The following RNF220 variants were observed in gnomAD, a reference collection of about 807,000 sequenced individuals.
The protein encoded by RNF220 is E3 ubiquitin-protein ligase RNF220.
Under a neutral mutation model 67.1 loss-of-function variants are expected in RNF220, and 7 were observed. The ratio of observed to expected loss-of-function variants is 0.10; its 90% CI spans 0.06 to 0.20. The LOEUF (loss-of-function observed/expected upper bound fraction) is 0.20, where lower values mean the gene tolerates loss of function less well. Ranked by LOEUF, RNF220 falls within the 10% of genes least tolerant of loss-of-function variation. The probability of loss-of-function intolerance (pLI) is 1.00; values close to 1 mark genes in which losing one functional copy is unlikely to be tolerated. For missense variants in RNF220, 565 were observed against 740.3 expected (o/e 0.76, Z 2.75); for synonymous variants, 270 against 283.2 (o/e 0.95, Z 0.47).
chr1:44,599,942 T>C (rs1029081300), intron 2 of RNF220, among the ~76,000 whole-genome samples: 1 of 151,944 alleles, frequency 6.6e-6, no homozygotes, highest in African/African-American at 2.4e-5. Flanking sequence ...TGGAATAGAT[T>C]AGAGGGGAGA....
intron 5 of RNF220, among the ~76,000 whole-genome samples, chr1:44,630,422 G>A (rs1371186151): frequency 6.6e-6 from 1 of 152,240 alleles, no homozygotes; most frequent in Non-Finnish European, 1.5e-5. Context: ...ACTTGAGTCT[G>A]TCTGGCCCTA....
At chr1:44,623,564 C>A (rs1176116277) in intron 4 of RNF220, among the ~76,000 whole-genome samples, 3 of 152,226 alleles carry the variant, frequency 2.0e-5, no homozygotes, top group African/African-American at 7.2e-5. Context: ...TAGAAGACTG[C>A]ATCCTTTTTC....
rs1187638124 is a variant in RNF220, at chr1:44,444,424, C to T, written c.625+31702C>T. Among the ~76,000 whole-genome samples, 4 of 151,484 alleles carry T rather than the reference C, an allele frequency of 2.6e-5. No homozygotes were observed. The East Asian group carries it at 7.8e-4, about 29-fold the overall frequency. On this transcript the variant is annotated intron_variant, in intron 2 of 14. Coordinates refer to ENST00000361799, the MANE Select transcript of RNF220 (RefSeq NM_018150.4). ...TTTCATTTTTATTGCTGTGTAATGC[C>T]CTAATTTCCTTTCTTTTCTTTCTTT...
At chr1:44,562,030 T>C (rs938191864) in intron 2 of RNF220, among the ~76,000 whole-genome samples, 1 of 152,046 alleles carries the variant, frequency 6.6e-6, no homozygotes, top group Non-Finnish European at 1.5e-5. Flanking sequence ...CCTTAAGGAG[T>C]TAGACCCATT....
At chr1:44,583,375 G>A (rs1665460033) in intron 2 of RNF220, among the ~76,000 whole-genome samples, 1 of 152,152 alleles carries the variant, frequency 6.6e-6, no homozygotes, top group African/African-American at 2.4e-5. Context: ...GTGAATGAAT[G>A]GGATGAAGCC....
At chr1:44,560,804 C>T (rs180951620) in intron 2 of RNF220, among the ~76,000 whole-genome samples, 1 of 152,054 alleles carries the variant, frequency 6.6e-6, no homozygotes, top group African/African-American at 2.4e-5. Context: ...TCAAGTGATC[C>T]GCCCCCTCAG....
intron 8 of RNF220, 172 bp downstream of exon 8, chr1:44,636,334 G>A (rs1644328465): frequency 1.2e-6 from 1 of 833,008 alleles, no homozygotes; most frequent in Non-Finnish European, 2.0e-6. Flanking sequence ...CCTGTGATGT[G>A]CATATTAAAA....
chr1:44,479,116 G>A (rs1474647775), intron 2 of RNF220, among the ~76,000 whole-genome samples: 1 of 142,350 alleles, frequency 7.0e-6, no homozygotes, highest in Non-Finnish European at 1.5e-5. Flanking sequence ...AAACTTTGTG[G>A]ATTTTTTTTT....
chr1:44,452,352 G>A (rs12758532), intron 2 of RNF220, among the ~76,000 whole-genome samples: 1 of 151,966 alleles, frequency 6.6e-6, no homozygotes, highest in Admixed American at 6.6e-5. Flanking sequence ...TCAGGAGTTC[G>A]AGACCAGCCA....
chr1:44,437,010 G>GA (rs1651043358), intron 2 of RNF220, among the ~76,000 whole-genome samples: 1 of 152,228 alleles, frequency 6.6e-6, no homozygotes, highest in Non-Finnish European at 1.5e-5. Context: ...AATTAACTTA[G>GA]AAAAGATAGG....
Position 44,606,309 on chromosome 1 carries a change from A to T in RNF220, c.626-7856A>T, listed in dbSNP as rs905853240. ...TCGTTCATATTGACTGAAGGTAAAA[A>T]ATGCCATCTGTCAGCATGTTAACTC... On this transcript the variant is annotated intron_variant, in intron 2 of 14. Transcript: ENST00000361799. The surrounding 1 kb of genome is among the most constrained non-coding windows in gnomAD (Gnocchi z 4.2). Among the ~76,000 whole-genome samples, 2 of 152,226 alleles carry T rather than the reference A, an allele frequency of 1.3e-5. No homozygotes were observed. Among genetic ancestry groups the T allele is most frequent in the Non-Finnish European group, 2.9e-5 (2 of 68,044 alleles).
At position 44,616,738 on chromosome 1, in the gene RNF220, G is replaced by A. The variant is rs529587855; in HGVS notation, c.758+2441G>A. ...CCCAGAGGAGGACTTCTCCTACCAG[G>A]GTCAGAGAATAGAGGTAGAGGCTAG... On this transcript the variant is annotated intron_variant, in intron 3 of 14. Coordinates refer to ENST00000361799, the MANE Select transcript of RNF220 (RefSeq NM_018150.4). 2.0e-5 allele frequency among the ~76,000 whole-genome samples: 3 copies of A among 152,232 alleles called. No homozygotes were observed. The South Asian group carries it at 6.2e-4, about 32-fold the overall frequency.
At chr1:44,418,973 A>G (rs1648914063) in intron 2 of RNF220, among the ~76,000 whole-genome samples, 1 of 152,192 alleles carries the variant, frequency 6.6e-6, no homozygotes, top group Non-Finnish European at 1.5e-5. Context: ...CGTGCTCTTT[A>G]TAAATACTTG....
chr1:44,416,183 C>G (rs1438755149), intron 2 of RNF220, among the ~76,000 whole-genome samples: 1 of 152,146 alleles, frequency 6.6e-6, no homozygotes, highest in Admixed American at 6.5e-5. Context: ...TGTGAGAAGC[C>G]ATTCATGGAG....
chr1:44,617,299 G>A (rs1427455095), intron 3 of RNF220, among the ~76,000 whole-genome samples: 1 of 152,038 alleles, frequency 6.6e-6, no homozygotes, highest in South Asian at 2.1e-4. Flanking sequence ...TGGACCGGCC[G>A]GCAAAGGCGT....
At chr1:44,430,619 C>T (rs1650259679) in intron 2 of RNF220, among the ~76,000 whole-genome samples, 1 of 152,112 alleles carries the variant, frequency 6.6e-6, no homozygotes, top group Admixed American at 6.5e-5. Context: ...GATCTCGGCT[C>T]ACTGCAACCT....
intron 2 of RNF220, among the ~76,000 whole-genome samples, chr1:44,505,389 G>A (rs928662055): frequency 1.1e-4 from 17 of 152,154 alleles, no homozygotes; most frequent in African/African-American, 2.7e-4. Context: ...TGGCCTCTCC[G>A]CCTCCTTGGC....
chr1:44,632,461 G>A (rs1440220075), intron 6 of RNF220, 76 bp downstream of exon 6: 1 of 1,360,246 alleles, frequency 7.4e-7, no homozygotes, highest in African/African-American at 1.5e-5. Context: ...GCCGCTCCTG[G>A]CTTGCCTGGG....
intron 2 of RNF220, among the ~76,000 whole-genome samples, chr1:44,537,301 T>C (rs887797599): frequency 6.6e-6 from 1 of 152,204 alleles, no homozygotes; most frequent in African/African-American, 2.4e-5. Context: ...ATGGGAATCC[T>C]GCTCCTTCTG....
Sources: gnomAD v4.1 joint callset for allele counts (sites outside exome capture counted in the v4.1 genomes callset) on GRCh38, gnomAD v4.1.1 for gene constraint, Gnocchi (gnomAD v3.1) non-coding constraint, MANE v1.5 for transcripts, NCBI Gene and HGNC (gene_info 2026-07-23, HGNC 2026-07-21) for gene names.